Variants in XXYLT1 observed in about 807,000 individuals in gnomAD.
XXYLT1 encodes the protein UDP-xylose:alpha-xyloside alpha-1,3-xylosyltransferase.
A neutral mutation model predicts 28.9 loss-of-function variants in XXYLT1; 20 were observed. The ratio of observed to expected loss-of-function variants is 0.69; its 90% CI spans 0.49 to 1.00. The LOEUF (loss-of-function observed/expected upper bound fraction) is 1.00, where lower values mean the gene tolerates loss of function less well. Among genes scored for constraint, XXYLT1 ranks in the 50% least tolerant of loss-of-function variants. The pLI is 0.00. For missense variants in XXYLT1, 542 were observed against 560.1 expected (o/e 0.97, Z 0.33); for synonymous variants, 257 against 253.8 (o/e 1.01, Z -0.12).
At chr3:195,143,633 A>T (rs187301836) in intron 3 of XXYLT1, among the ~76,000 whole-genome samples, 82 of 151,334 alleles carry the variant, frequency 5.4e-4, no homozygotes, top group African/African-American at 1.9e-3. Context: ...AACGTGTCTT[A>T]CTTCCTGGAG....
rs1020000028 is a variant in XXYLT1, at chr3:195,240,989, G to C, written c.505-14133C>G. On this transcript the variant is annotated intron_variant, in intron 1 of 3. Transcript: ENST00000310380. The surrounding 1 kb of genome is among the most constrained non-coding windows in gnomAD (Gnocchi z 4.7). ...AGGTAGATCAAACACAATTCTGAAC[G>C]GAAGAGGTCTTAATGTATCAGAAAA... 1.3e-5 allele frequency among the ~76,000 whole-genome samples: 2 copies of C among 152,180 alleles called. No homozygotes were observed. The highest frequency in any genetic ancestry group is 4.8e-5 in the African/African-American group (2 of 41,454).
intron 3 of XXYLT1, among the ~76,000 whole-genome samples, chr3:195,074,496 G>A (rs1312418263): frequency 6.6e-6 from 1 of 152,126 alleles, no homozygotes; most frequent in Non-Finnish European, 1.5e-5. Flanking sequence ...GCGTGGAAGG[G>A]ACCTTGTTTT....
At chr3:195,100,442 C>T (rs1456166590) in intron 3 of XXYLT1, among the ~76,000 whole-genome samples, 3 of 152,204 alleles carry the variant, frequency 2.0e-5, no homozygotes, top group Non-Finnish European at 4.4e-5. Flanking sequence ...CCCCAGAAGG[C>T]AGGCATCTGC....
intron 2 of XXYLT1, among the ~76,000 whole-genome samples, chr3:195,191,365 TAATG>T (rs1722412316): frequency 6.6e-6 from 1 of 152,244 alleles, no homozygotes. Flanking sequence ...TGCTTCTACT[TAATG>T]AATAGTAAAT....
At chr3:195,141,184 G>A (rs1280525182) in intron 3 of XXYLT1, among the ~76,000 whole-genome samples, 1 of 152,208 alleles carries the variant, frequency 6.6e-6, no homozygotes, top group Non-Finnish European at 1.5e-5. Flanking sequence ...ACAGTAGCCT[G>A]AACTAAGACA....
intron 3 of XXYLT1, among the ~76,000 whole-genome samples, chr3:195,074,798 C>A (rs1268361963): frequency 6.6e-6 from 1 of 152,194 alleles, no homozygotes; most frequent in Non-Finnish European, 1.5e-5. Context: ...CTGGAGAAGA[C>A]ATGGACATCC....
chr3:195,143,875 T>C (rs547742965), intron 3 of XXYLT1, among the ~76,000 whole-genome samples: 1 of 120,182 alleles, frequency 8.3e-6, no homozygotes, highest in Non-Finnish European at 1.7e-5. Context: ...GATATAGATA[T>C]ATATATATAT....
chr3:195,098,437 C>G lies in XXYLT1; in HGVS notation c.786-28326G>C, dbSNP rs542448957. Among the ~76,000 whole-genome samples, 260 of 152,306 alleles carry G rather than the reference C, an allele frequency of 1.7e-3. 1 individual carries two copies. The highest frequency in any genetic ancestry group is 6.1e-3 in the African/African-American group (253 of 41,546). ...GCGTGGTGGTGCGCGCCTGTAGTCCCAGCTACTTGGGAGGCTGAGGCAGGA... is the reference window on the plus strand; with the variant it reads ...GCGTGGTGGTGCGCGCCTGTAGTCCGAGCTACTTGGGAGGCTGAGGCAGGA... On this transcript the variant is annotated intron_variant, in intron 3 of 3. Coordinates refer to ENST00000310380, the MANE Select transcript of XXYLT1 (RefSeq NM_152531.5).
At chr3:195,082,814 CAG>C (rs1470745545) in intron 3 of XXYLT1, among the ~76,000 whole-genome samples, 2 of 151,734 alleles carry the variant, frequency 1.3e-5, no homozygotes, top group Non-Finnish European at 2.9e-5. Context: ...CACTGGGTAA[CAG>C]AGTGAAACTC....
At chr3:195,130,697 CGGA>C (rs1466558539) in intron 3 of XXYLT1, among the ~76,000 whole-genome samples, 1 of 152,104 alleles carries the variant, frequency 6.6e-6, no homozygotes, top group Non-Finnish European at 1.5e-5. Context: ...AGGAGGGGAA[CGGA>C]GGCAACAGGC....
intron 1 of XXYLT1, among the ~76,000 whole-genome samples, chr3:195,254,936 C>T (rs78426327): frequency 0.029 from 4,447 of 152,236 alleles, 141 homozygotes; most frequent in East Asian, 0.1. Flanking sequence ...GAGGTAGAGC[C>T]AGGATCTAAA....
intron 2 of XXYLT1, among the ~76,000 whole-genome samples, chr3:195,166,767 C>T (rs1721143347): frequency 6.6e-6 from 1 of 152,076 alleles, no homozygotes; most frequent in Admixed American, 6.6e-5. Flanking sequence ...CTGCAACCTC[C>T]ACCTCCTGGG....
intron 2 of XXYLT1, among the ~76,000 whole-genome samples, chr3:195,201,024 C>T (rs1044767740): frequency 1.3e-5 from 2 of 152,146 alleles, no homozygotes; most frequent in African/African-American, 4.8e-5. Flanking sequence ...TCAAAAATCT[C>T]TATTTTTACT....
At chr3:195,113,661 A>C (rs1332875940) in intron 3 of XXYLT1, among the ~76,000 whole-genome samples, 1 of 152,090 alleles carries the variant, frequency 6.6e-6, no homozygotes, top group Non-Finnish European at 1.5e-5. Context: ...CTTTTTAGCC[A>C]TTCATTCCAC....
At chr3:195,165,350 A>T (rs899052734) in intron 2 of XXYLT1, among the ~76,000 whole-genome samples, 23 of 152,040 alleles carry the variant, frequency 1.5e-4, no homozygotes, top group African/African-American at 5.6e-4. Flanking sequence ...AACTCCTGAG[A>T]TCCTCTCCCA....
chr3:195,143,004 C>T (rs1337957710), intron 3 of XXYLT1, among the ~76,000 whole-genome samples: 1 of 151,984 alleles, frequency 6.6e-6, no homozygotes, highest in Non-Finnish European at 1.5e-5. Flanking sequence ...AGTAATTGCA[C>T]CTCTAAAAAT....
At chr3:195,232,966 G>GAA (rs1724363676) in intron 1 of XXYLT1, among the ~76,000 whole-genome samples, 1 of 152,186 alleles carries the variant, frequency 6.6e-6, no homozygotes, top group African/African-American at 2.4e-5. Context: ...GTCCAATGCT[G>GAA]AAAGTGGGGT....
In XXYLT1 at chr3:195,075,378, T is replaced by C. The variant is rs532853045; in HGVS notation, c.786-5267A>G. Among the ~76,000 whole-genome samples, 12 of 152,356 alleles carry C rather than the reference T, an allele frequency of 7.9e-5. No individual in the cohort carries two copies. In the South Asian group the frequency reaches 1.2e-3, roughly 16 times the overall value. On this transcript the variant is annotated intron_variant, in intron 3 of 3. Coordinates refer to ENST00000310380, the MANE Select transcript of XXYLT1 (RefSeq NM_152531.5). ...AGGGACTCCTGGTTCATATACCCATTGTGCAGATGAGGAAGCTGAGGCTCA... is the reference window on the plus strand; with the variant it reads ...AGGGACTCCTGGTTCATATACCCATCGTGCAGATGAGGAAGCTGAGGCTCA...
chr3:195,254,829 A>G (rs1725415668), intron 1 of XXYLT1, among the ~76,000 whole-genome samples: 1 of 152,192 alleles, frequency 6.6e-6, no homozygotes, highest in Non-Finnish European at 1.5e-5. Flanking sequence ...TCGCCCTCAC[A>G]CCAATGTTTT....
Sources: allele counts gnomAD v4.1 joint callset (sites outside exome capture counted in the v4.1 genomes callset), GRCh38; gene constraint gnomAD v4.1.1; non-coding constraint Gnocchi (gnomAD v3.1); transcripts MANE v1.5; gene names NCBI Gene and HGNC (gene_info 2026-07-23, HGNC 2026-07-21).